PRKN: variants seen among roughly 807,000 people sequenced by gnomAD.
PRKN encodes parkin RBR E3 ubiquitin protein ligase, also known as E3 ubiquitin-protein ligase parkin.
PRKN carries 56 observed loss-of-function variants against 59.5 expected under a neutral mutation model. That is an observed-to-expected ratio of 0.94 (90% CI 0.76 to 1.18). The LOEUF is 1.18. Ranked by LOEUF, PRKN falls within the 50% of genes most tolerant of loss-of-function variation. The pLI is 0.00. For missense variants in PRKN, 657 were observed against 596.4 expected (o/e 1.10, Z -1.06); for synonymous variants, 250 against 222.1 (o/e 1.13, Z -1.12).
At chr6:161,441,461 G>A (rs528594990) in intron 9 of PRKN, among the ~76,000 whole-genome samples, 40 of 151,956 alleles carry the variant, frequency 2.6e-4, no homozygotes, top group African/African-American at 9.6e-4. Context: ...CCTGGCCAAC[G>A]TGGTGAAACC....
chr6:161,655,483 C>T (rs1351858528), intron 7 of PRKN, among the ~76,000 whole-genome samples: 8 of 152,228 alleles, frequency 5.3e-5, no homozygotes, highest in South Asian at 2.1e-4. Flanking sequence ...GTCACAGAGG[C>T]GTTCCTGGGC....
chr6:162,414,531 C>A (rs1229352408), intron 2 of PRKN, among the ~76,000 whole-genome samples: 1 of 150,992 alleles, frequency 6.6e-6, no homozygotes, highest in East Asian at 2.0e-4. Context: ...CATGGTGAAA[C>A]CCCTATCTCT....
intron 10 of PRKN, among the ~76,000 whole-genome samples, chr6:161,366,264 C>A (rs1301267395): frequency 6.6e-6 from 1 of 152,166 alleles, no homozygotes; most frequent in Non-Finnish European, 1.5e-5. Flanking sequence ...GCTTCCTGGG[C>A]TGAGCTTTGG....
chr6:162,296,862 A>T (rs1781698382), intron 2 of PRKN, among the ~76,000 whole-genome samples: 1 of 152,194 alleles, frequency 6.6e-6, no homozygotes, highest in Non-Finnish European at 1.5e-5. Context: ...AGAAAAAAGC[A>T]TCGTTTCCAT....
chr6:161,788,421 G>A (rs1182906942), intron 6 of PRKN, among the ~76,000 whole-genome samples: 1 of 152,150 alleles, frequency 6.6e-6, no homozygotes, highest in Non-Finnish European at 1.5e-5. Context: ...TACCCATCCT[G>A]CAACTGGCAG....
rs563584588 is a variant in PRKN, at chr6:162,229,420, C to T, written c.413-28168G>A. Among the ~76,000 whole-genome samples the T allele has an allele frequency of 3.3e-5, 5 of 152,334 alleles. No homozygotes were observed. In the South Asian group the frequency reaches 8.3e-4, roughly 25 times the overall value. On this transcript the variant is annotated intron_variant, in intron 3 of 11. Transcript: ENST00000366898. ...CAGAATGACACAAGCGTCACCCACG[C>T]AAGCACCTGCTCTTACCTGGAATCC...
intron 9 of PRKN, among the ~76,000 whole-genome samples, chr6:161,541,125 G>A (rs536268253): frequency 6.6e-6 from 1 of 152,310 alleles, no homozygotes; most frequent in African/African-American, 2.4e-5. Flanking sequence ...TTCCAGACTG[G>A]AACTGTCCAG....
rs79938958 is a variant in PRKN at position 162,135,959 on chromosome 6, T to C, written c.534+65172A>G. On this transcript the variant is annotated intron_variant, in intron 4 of 11. Coordinates refer to ENST00000366898, the MANE Select transcript of PRKN (RefSeq NM_004562.3). ...TCTTTATTCAAAAGCCCAAGTCAGA[T>C]GGATTTTCTCACTGAAGCCTTGCTG... is the stretch of plus-strand genomic sequence containing the variant. Among the ~76,000 whole-genome samples the C allele has an allele frequency of 2.4e-4, 36 of 152,136 alleles. No individual in the cohort carries two copies. The East Asian group carries it at 6.9e-3, about 29-fold the overall frequency.
chr6:162,469,999 TAGGGCACAG>T (rs1791650403), intron 1 of PRKN, among the ~76,000 whole-genome samples: 1 of 152,188 alleles, frequency 6.6e-6, no homozygotes, highest in African/African-American at 2.4e-5. Context: ...TACACGATCC[TAGGGCACAG>T]GACTAGGAAA....
intron 5 of PRKN, among the ~76,000 whole-genome samples, chr6:162,000,879 T>G (rs1192681903): frequency 6.6e-6 from 1 of 151,850 alleles, no homozygotes; most frequent in Non-Finnish European, 1.5e-5. Flanking sequence ...ATCCAGTTGT[T>G]CCAATACCAT....
At chr6:161,972,274 CAAA>C (rs34466786) in intron 6 of PRKN, among the ~76,000 whole-genome samples, 7 of 91,390 alleles carry the variant, frequency 7.7e-5, no homozygotes, top group Non-Finnish European at 1.1e-4. Flanking sequence ...AACTCCTTCT[CAAA>C]AAAAAAAAAA....
At chr6:161,595,409 G>A (rs1271202559) in intron 7 of PRKN, among the ~76,000 whole-genome samples, 4 of 152,130 alleles carry the variant, frequency 2.6e-5, no homozygotes, top group Non-Finnish European at 5.9e-5. Flanking sequence ...TGAAAGTAAA[G>A]GCTTCTGTTA....
chr6:162,172,307 G>A (rs1164107326), intron 4 of PRKN, among the ~76,000 whole-genome samples: 1 of 152,300 alleles, frequency 6.6e-6, no homozygotes, highest in East Asian at 1.9e-4. Context: ...TAAGAGAAAT[G>A]AGGCACATCC....
chr6:162,542,549 G>T (rs1411183149), intron 1 of PRKN, among the ~76,000 whole-genome samples: 4 of 152,126 alleles, frequency 2.6e-5, no homozygotes, highest in Non-Finnish European at 5.9e-5. Context: ...ATCAGAGACA[G>T]CGTGATGCAT....
chr6:161,871,631 T>C (rs754867445), intron 6 of PRKN, among the ~76,000 whole-genome samples: 2 of 152,334 alleles, frequency 1.3e-5, no homozygotes, highest in African/African-American at 2.4e-5. Flanking sequence ...TTCCTTGCAG[T>C]TGGACAGCAC....
intron 4 of PRKN, among the ~76,000 whole-genome samples, chr6:162,132,851 G>A (rs566025561): frequency 1.9e-4 from 29 of 152,244 alleles, no homozygotes; most frequent in African/African-American, 6.3e-4. Context: ...TAGAGGAGAC[G>A]GCTTAGAGCT....
At chr6:162,505,329 A>G (rs1200945499) in intron 1 of PRKN, among the ~76,000 whole-genome samples, 1 of 152,206 alleles carries the variant, frequency 6.6e-6, no homozygotes, top group Non-Finnish European at 1.5e-5. Context: ...GCATTGTGGT[A>G]GTGTCATAAA....
At chr6:162,285,242 G>A (rs1390202426) in intron 2 of PRKN, among the ~76,000 whole-genome samples, 1 of 150,268 alleles carries the variant, frequency 6.7e-6, no homozygotes, top group Admixed American at 6.7e-5. Context: ...GCATGTATCA[G>A]GGATCTTCAC....
intron 5 of PRKN, among the ~76,000 whole-genome samples, chr6:162,016,237 T>C (rs1025946630): frequency 6.6e-6 from 1 of 152,174 alleles, no homozygotes; most frequent in Admixed American, 6.5e-5. Flanking sequence ...ATTATACATA[T>C]GAATCACATA....
Sources: gnomAD v4.1 joint callset for allele counts (sites outside exome capture counted in the v4.1 genomes callset) on GRCh38, gnomAD v4.1.1 for gene constraint, MANE v1.5 for transcripts, NCBI Gene and HGNC (gene_info 2026-07-23, HGNC 2026-07-21) for gene names.